FBXL17: variants seen among roughly 807,000 people sequenced by gnomAD.
FBXL17 encodes F-box/LRR-repeat protein 17.
A neutral mutation model predicts 66.2 loss-of-function variants in FBXL17; 22 were observed. That is an observed-to-expected ratio of 0.33 (90% confidence interval 0.24 to 0.47). The LOEUF is 0.47. FBXL17 is among the 20% of genes least tolerant of loss of function. The probability of loss-of-function intolerance (pLI) is 1.00; values close to 1 mark genes in which losing one functional copy is unlikely to be tolerated. For missense variants in FBXL17, 878 were observed against 948.2 expected (o/e 0.93, Z 0.97); for synonymous variants, 474 against 400.5 (o/e 1.18, Z -2.19).
chr5:108,329,782 T>C lies in FBXL17; in HGVS notation c.1506+18617A>G, dbSNP rs555797392. On this transcript the variant is annotated intron_variant, in intron 4 of 8. Coordinates refer to ENST00000542267, the MANE Select transcript of FBXL17 (RefSeq NM_001163315.3). The stretch of plus-strand genomic sequence containing the variant: ...ATTAGTAAAATAAGTATTACATAAG[T>C]GACATCCCTTTCAAATTCTTACTCT... Among the ~76,000 whole-genome samples, 8 of 152,240 alleles carry C rather than the reference T, an allele frequency of 5.3e-5. No individual in the cohort carries two copies. In the East Asian group the frequency reaches 5.8e-4, roughly 11 times the overall value.
chr5:108,132,868 G>T (rs286802), intron 6 of FBXL17, among the ~76,000 whole-genome samples: 28,043 of 152,036 alleles, frequency 0.18, 2,858 homozygotes, highest in South Asian at 0.41. Context: ...ATATGCATAA[G>T]AACATCTCCA....
chr5:108,001,461 A>C (rs1036181768), intron 7 of FBXL17, among the ~76,000 whole-genome samples: 11 of 152,132 alleles, frequency 7.2e-5, no homozygotes, highest in Non-Finnish European at 1.6e-4. Context: ...AAATATATTT[A>C]TTTGGCTGAA....
At chr5:107,980,057 C>T (rs1444826052) in intron 7 of FBXL17, among the ~76,000 whole-genome samples, 7 of 151,980 alleles carry the variant, frequency 4.6e-5, no homozygotes, top group African/African-American at 1.7e-4. Flanking sequence ...GTCACTTGAC[C>T]ACATGCGTGA....
chr5:108,164,972 T>G (rs537588273), intron 6 of FBXL17, among the ~76,000 whole-genome samples: 22 of 152,342 alleles, frequency 1.4e-4, no homozygotes, highest in African/African-American at 5.3e-4. Context: ...TAGCTGATGA[T>G]AGCATCCACA....
chr5:108,063,462 G>A (rs193209024), intron 6 of FBXL17, among the ~76,000 whole-genome samples: 1 of 152,124 alleles, frequency 6.6e-6, no homozygotes, highest in Non-Finnish European at 1.5e-5. Flanking sequence ...TAACCTTAGC[G>A]TGGCTTTCAA....
intron 4 of FBXL17, chr5:108,297,978 C>A: frequency 1.0e-6 from 1 of 980,908 alleles, no homozygotes; most frequent in African/African-American, 1.7e-5. Context: ...GCATATGACC[C>A]AACTGACTGA....
At chr5:107,889,619 G>A (rs897954015) in intron 7 of FBXL17, among the ~76,000 whole-genome samples, 3 of 152,304 alleles carry the variant, frequency 2.0e-5, no homozygotes, top group Middle Eastern at 3.4e-3. Context: ...ACCTTTCTGG[G>A]AAGAGGCTCT....
rs1001851614 is a variant in FBXL17 at position 108,382,046 on chromosome 5, G to T, written c.-355C>A. 2 of 925,206 alleles carry T rather than the reference G, an allele frequency of 2.2e-6. No homozygotes were observed. Among genetic ancestry groups the T allele is most frequent in the Non-Finnish European group, 1.3e-6 (1 of 750,190 alleles). The allele number at this position is 925,206 out of a possible 1,614,324, so 57.3% of individuals were successfully genotyped here. ...AGCGGCCGGGGAAAGGCCGGGTCCC[G>T]CTCGGACCATTTTAACTGCGGATCC... is the stretch of plus-strand genomic sequence containing the variant. On this transcript the variant is annotated 5_prime_UTR_variant, in exon 1 of 9. Transcript: ENST00000542267.
chr5:108,220,716 A>G (rs943878705), intron 5 of FBXL17, among the ~76,000 whole-genome samples: 6 of 152,230 alleles, frequency 3.9e-5, no homozygotes, highest in Non-Finnish European at 7.3e-5. Flanking sequence ...GTCCTTCGAC[A>G]TGTTCCTTCT....
At chr5:107,987,446 A>G (rs1457515529) in intron 7 of FBXL17, among the ~76,000 whole-genome samples, 2 of 152,068 alleles carry the variant, frequency 1.3e-5, no homozygotes, top group African/African-American at 4.8e-5. Flanking sequence ...TATCACTTGC[A>G]GAACGAAACT....
intron 5 of FBXL17, among the ~76,000 whole-genome samples, chr5:108,214,368 CTTTTTT>C (rs70996986): frequency 7.7e-6 from 1 of 129,668 alleles, no homozygotes; most frequent in Non-Finnish European, 1.6e-5. Flanking sequence ...TATTAATTGA[CTTTTTT>C]TTTTTTTTTT....
intron 7 of FBXL17, among the ~76,000 whole-genome samples, chr5:107,882,998 T>A (rs886742704): frequency 6.6e-6 from 1 of 152,192 alleles, no homozygotes; most frequent in Non-Finnish European, 1.5e-5. Context: ...GTAAAATCAC[T>A]GATGTTTGAA....
intron 7 of FBXL17, among the ~76,000 whole-genome samples, chr5:107,935,411 A>ATGTG (rs55942635): frequency 1.1e-4 from 16 of 150,040 alleles, no homozygotes; most frequent in African/African-American, 3.9e-4. Context: ...ATATATATAT[A>ATGTG]TGTGTGTGTG....
intron 6 of FBXL17, among the ~76,000 whole-genome samples, chr5:108,073,326 C>A (rs1452150360): frequency 1.3e-5 from 2 of 151,780 alleles, no homozygotes; most frequent in Non-Finnish European, 2.9e-5. Flanking sequence ...TTATTAACAC[C>A]CTGCTTAGTT....
chr5:108,011,905 A>C (rs1013862631), intron 7 of FBXL17, among the ~76,000 whole-genome samples: 1 of 152,208 alleles, frequency 6.6e-6, no homozygotes, highest in African/African-American at 2.4e-5. Flanking sequence ...GTGTAGGGTT[A>C]AGAAAGGAAT....
At chr5:108,277,982 T>G (rs149847692) in intron 4 of FBXL17, among the ~76,000 whole-genome samples, 2 of 136,424 alleles carry the variant, frequency 1.5e-5, no homozygotes, top group African/African-American at 5.6e-5. Flanking sequence ...ACAATCACAC[T>G]GTGAATACAT....
intron 6 of FBXL17, among the ~76,000 whole-genome samples, chr5:108,134,521 T>C (rs1751059783): frequency 6.6e-6 from 1 of 152,192 alleles, no homozygotes; most frequent in Admixed American, 6.5e-5. Flanking sequence ...CAAAACCTCG[T>C]ATCTGAACTG....
rs140650432 is a variant in FBXL17 at position 108,293,286 on chromosome 5, T to C, written c.1506+55113A>G. Among the ~76,000 whole-genome samples the C allele has an allele frequency of 2.8e-3, 432 of 152,190 alleles. 4 individuals are homozygous for C. The highest frequency in any genetic ancestry group is 9.6e-3 in the African/African-American group (399 of 41,542). On this transcript the variant is annotated intron_variant, in intron 4 of 8. Transcript: ENST00000542267. ...AATACTAATAAGTTATTTTAGAAAA[T>C]TGAAATATTTTACACTAATTTTAGT...
intron 6 of FBXL17, among the ~76,000 whole-genome samples, chr5:108,038,963 G>A (rs1746949606): frequency 6.6e-6 from 1 of 151,902 alleles, no homozygotes; most frequent in Admixed American, 6.6e-5. Flanking sequence ...GCAGATAAAA[G>A]GTCTCAGGTC....
Sources: gnomAD v4.1 joint callset for allele counts (sites outside exome capture counted in the v4.1 genomes callset) on GRCh38, gnomAD v4.1.1 for gene constraint, MANE v1.5 for transcripts, NCBI Gene and HGNC (gene_info 2026-07-23, HGNC 2026-07-21) for gene names.